ZNF146: variants seen among roughly 807,000 people sequenced by gnomAD.
ZNF146 encodes zinc finger protein OZF.
ZNF146 carries 9 observed loss-of-function variants against 22.2 expected under a neutral mutation model. The ratio of observed to expected loss-of-function variants is 0.41; its 90% CI spans 0.24 to 0.71. The LOEUF is 0.71. ZNF146 is among the 30% of genes least tolerant of loss of function. The pLI is 0.34. For missense variants in ZNF146, 194 were observed against 344.8 expected (o/e 0.56, Z 3.46); for synonymous variants, 108 against 119.2 (o/e 0.91, Z 0.61).
intron 3 of ZNF146, among the ~76,000 whole-genome samples, chr19:36,231,456 G>A (rs1045786542): frequency 3.9e-5 from 6 of 152,176 alleles, no homozygotes; most frequent in African/African-American, 1.4e-4. Context: ...TGATCTGCCC[G>A]CCTCAGCCTC....
At chr19:36,228,286 C>T (rs1977171187) in intron 2 of ZNF146, among the ~76,000 whole-genome samples, 1 of 152,062 alleles carries the variant, frequency 6.6e-6, no homozygotes. Flanking sequence ...ACATTGTGCC[C>T]ATGTGCTTTA....
chr19:36,226,464 A>C (rs970290751), intron 2 of ZNF146, among the ~76,000 whole-genome samples: 3 of 152,184 alleles, frequency 2.0e-5, no homozygotes, highest in Non-Finnish European at 4.4e-5. Flanking sequence ...AACTTTATAG[A>C]AGAGTTGGAA....
chr19:36,227,994 C>A (rs1977149051), intron 2 of ZNF146, among the ~76,000 whole-genome samples: 1 of 152,024 alleles, frequency 6.6e-6, no homozygotes, highest in Non-Finnish European at 1.5e-5. Context: ...AACTCTGTCT[C>A]TACTAAAAAT....
At chr19:36,229,530 C>CA (rs1487032483) in intron 3 of ZNF146, among the ~76,000 whole-genome samples, 1 of 152,110 alleles carries the variant, frequency 6.6e-6, no homozygotes. Context: ...AAGTTGTGGT[C>CA]ACGTTTACGC....
rs1977740701 is a variant in ZNF146, at chr19:36,238,762, A to G, written c.*1443A>G. 1 of 167,096 alleles carries G rather than the reference A, an allele frequency of 6.0e-6. No individual in the cohort carries two copies. Among genetic ancestry groups the G allele is most frequent in the African/African-American group, 2.4e-5 (1 of 41,438 alleles). The allele number at this position is 167,096 out of a possible 1,614,324, so 10.4% of individuals were successfully genotyped here. A position where few individuals can be genotyped will look rare whatever the true frequency, so the allele number is the denominator to read the frequency against. Reference sequence around the variant, plus strand: ...CTATTTTATTAAAATTTAAAAGGACAGCACAATCCAAATCTGTTTTAATTA... The same window carrying G: ...CTATTTTATTAAAATTTAAAAGGACGGCACAATCCAAATCTGTTTTAATTA... On this transcript the variant is annotated 3_prime_UTR_variant, in exon 4 of 4. Transcript: ENST00000443387.
intron 3 of ZNF146, among the ~76,000 whole-genome samples, chr19:36,232,342 A>G (rs902269516): frequency 1.3e-5 from 2 of 152,078 alleles, no homozygotes; most frequent in African/African-American, 4.8e-5. Flanking sequence ...TTCAGTTTTC[A>G]TTAAAATGTT....
chr19:36,234,480 A>C (rs1977557849), intron 3 of ZNF146, among the ~76,000 whole-genome samples: 1 of 152,186 alleles, frequency 6.6e-6, no homozygotes, highest in African/African-American at 2.4e-5. Context: ...TTGTCCCCAG[A>C]ATGCCTTCCA....
At chr19:36,231,366 C>T (rs55665245) in intron 3 of ZNF146, among the ~76,000 whole-genome samples, 3 of 152,078 alleles carry the variant, frequency 2.0e-5, no homozygotes, top group Non-Finnish European at 2.9e-5. Flanking sequence ...CCCACCACCA[C>T]ACCCGGCTAA....
chr19:36,215,543 C>T (rs982046103), intron 1 of ZNF146, among the ~76,000 whole-genome samples: 2 of 151,856 alleles, frequency 1.3e-5, no homozygotes, highest in East Asian at 3.9e-4. Context: ...CTTCCTGGAG[C>T]GTCTTTTTTA....
chr19:36,218,843 T>C (rs189288303), intron 2 of ZNF146, among the ~76,000 whole-genome samples: 153 of 132,744 alleles, frequency 1.2e-3, no homozygotes, highest in Admixed American at 2.3e-3. Flanking sequence ...GAGTCTCGGT[T>C]TGTCGCCCAG....
At chr19:36,221,976 CTGGTGTGCAA>C (rs1237693867) in intron 2 of ZNF146, among the ~76,000 whole-genome samples, 3 of 136,330 alleles carry the variant, frequency 2.2e-5, no homozygotes, top group Admixed American at 8.4e-5. Flanking sequence ...GTCACCCAAG[CTGGTGTGCAA>C]TGGTGTTAAC....
intron 2 of ZNF146, among the ~76,000 whole-genome samples, chr19:36,221,132 C>T (rs906330754): frequency 2.6e-5 from 4 of 152,112 alleles, no homozygotes; most frequent in African/African-American, 9.7e-5. Flanking sequence ...AGGCATGAGC[C>T]ACTGAGCCCA....
chr19:36,225,969 A>T (rs1457968549), intron 2 of ZNF146, among the ~76,000 whole-genome samples: 2 of 151,720 alleles, frequency 1.3e-5, no homozygotes, highest in Admixed American at 6.6e-5. Flanking sequence ...GGGTCTTGCC[A>T]TGTTGCCTAG....
rs1170166570 is a variant in ZNF146 at position 36,236,531 on chromosome 19, C to T, written c.91C>T (p.Leu31Phe). The change falls in exon 4 of 4, where the codon CTC (leucine) becomes TTC (phenylalanine). Residue 31 changes from leucine to phenylalanine, a missense_variant. Coordinates refer to ENST00000443387, the MANE Select transcript of ZNF146 (RefSeq NM_007145.3). The part of the protein sequence containing the change: ...CGKVFSHKSN[L>F]TEHEHFHTRE... ...AAAAGTCTTCAGCCACAAATCAAACCTCACTGAGCATGAGCATTTTCACAC... is the reference window on the plus strand; with the variant it reads ...AAAAGTCTTCAGCCACAAATCAAACTTCACTGAGCATGAGCATTTTCACAC... 4 of 1,614,084 alleles carry T rather than the reference C, an allele frequency of 2.5e-6. No homozygotes were observed. In the African/African-American group the frequency reaches 5.3e-5, roughly 22 times the overall value.
At position 36,236,448 on chromosome 19, in the gene ZNF146, A is replaced by G; in HGVS notation, c.8A>G (p.His3Arg). 6.2e-7 allele frequency: 1 copy of G among 1,600,866 alleles called. No homozygotes were observed. Among genetic ancestry groups the G allele is most frequent in the South Asian group, 1.1e-5 (1 of 89,144 alleles). The change falls in exon 4 of 4, where the codon CAC becomes CGC. Residue 3 changes from histidine (H) to arginine (R), a missense_variant. Transcript: ENST00000443387. MS[H>R]LSQQRIYSGE... ...GGGAAAGCTTCCATTCAGATGTCAC[A>G]CCTCAGCCAGCAGAGAATTTACAGT...
chr19:36,220,522 G>A (rs999587793), intron 2 of ZNF146, among the ~76,000 whole-genome samples: 20 of 151,914 alleles, frequency 1.3e-4, no homozygotes, highest in African/African-American at 4.1e-4. Flanking sequence ...ATGCCACCAC[G>A]CCCAGCTAAG....
In ZNF146 at chr19:36,230,097, G is replaced by T. The variant is rs553897407; in HGVS notation, c.-783+1278G>T. Among the ~76,000 whole-genome samples the T allele has an allele frequency of 6.5e-4, 99 of 152,326 alleles. 2 individuals carry two copies. In the Middle Eastern group the frequency reaches 0.024, roughly 37 times the overall value. On this transcript the variant is annotated intron_variant, in intron 3 of 3. Coordinates refer to ENST00000443387, the MANE Select transcript of ZNF146 (RefSeq NM_007145.3). ...CTTCTGCTATTGAAGACACAAGTGT[G>T]TATACTTGTTTATATTGCTTTGCAG... is the stretch of plus-strand genomic sequence containing the variant.
intron 2 of ZNF146, among the ~76,000 whole-genome samples, chr19:36,219,274 A>G (rs546378662): frequency 6.6e-6 from 1 of 152,206 alleles, no homozygotes; most frequent in East Asian, 1.9e-4. Flanking sequence ...CTCCCACCTC[A>G]GCCCCACCCC....
At position 36,237,537 on chromosome 19, in the gene ZNF146, G is replaced by A; in HGVS notation, c.*218G>A. On this transcript the variant is annotated 3_prime_UTR_variant, in exon 4 of 4. Coordinates refer to ENST00000443387, the MANE Select transcript of ZNF146 (RefSeq NM_007145.3). ...CAGAGAAACCTGCAGCAGAGATAATGGTGAAAGTTTAGGCACATTTTCACT... is the reference window on the plus strand; with the variant it reads ...CAGAGAAACCTGCAGCAGAGATAATAGTGAAAGTTTAGGCACATTTTCACT... 1 of 425,520 alleles carries A rather than the reference G, an allele frequency of 2.4e-6. No homozygotes were observed. The highest frequency in any genetic ancestry group is 4.1e-6 in the Non-Finnish European group (1 of 245,180). 26.4% of individuals were successfully genotyped at this position (425,520 alleles called of 1,614,324 possible). A position where few individuals can be genotyped will look rare whatever the true frequency, so the allele number is the denominator to read the frequency against.
Sources: allele counts gnomAD v4.1 joint callset (sites outside exome capture counted in the v4.1 genomes callset), GRCh38; gene constraint gnomAD v4.1.1; transcripts MANE v1.5; gene names NCBI Gene and HGNC (gene_info 2026-07-23, HGNC 2026-07-21).